Variants in DPP6 observed in about 807,000 individuals in gnomAD.
DPP6 encodes the protein A-type potassium channel modulatory protein DPP6.
In DPP6, 69 loss-of-function variants were observed where a neutral mutation model predicts 122.6. That is an observed-to-expected ratio of 0.56 (90% CI 0.46 to 0.69). The LOEUF is 0.69. Among genes scored for constraint, DPP6 ranks in the 30% least tolerant of loss-of-function variants. The pLI is 0.00. For synonymous variants in DPP6, 418 were observed against 433.1 expected (o/e 0.97, Z 0.43); for missense variants, 928 against 1,116.9 (o/e 0.83, Z 2.41).
At position 154,893,910 on chromosome 7, in the gene DPP6, C is replaced by G. The variant is rs1414798535; in HGVS notation, c.*1430C>G. On this transcript the variant is annotated 3_prime_UTR_variant, in exon 26 of 26. Coordinates refer to ENST00000377770, the MANE Select transcript of DPP6 (RefSeq NM_130797.4). ...ATGTCAGGACTGACTTCGCCAGCTC[C>G]CAGCCCTGCGGGGGTGTCCTTGGCA... 6.6e-6 allele frequency: 1 copy of G among 152,182 alleles called. No individual in the cohort carries two copies. The highest frequency in any genetic ancestry group is 2.4e-5 in the African/African-American group (1 of 41,432). 9.4% of individuals were successfully genotyped at this position (152,182 alleles called of 1,614,324 possible).
At position 154,727,788 on chromosome 7, in the gene DPP6, A is replaced by G. The variant is rs1842138466; in HGVS notation, c.784A>G (p.Ile262Val). ...QQLIFIFENN[I>V]YYCAHVGKQA... ...TTAGATATTTATTTTTGAAAACAAT[A>G]TCTACTACTGTGCACATGTCGGGAA... Residue 262 changes from isoleucine (I) to valine (V), a missense_variant, in exon 8 of 26, where the codon ATC becomes GTC. Ile to Val is a conservative substitution (Grantham distance 29, BLOSUM62 3). Coordinates refer to ENST00000377770, the MANE Select transcript of DPP6 (RefSeq NM_130797.4). The G allele has an allele frequency of 6.2e-7, 1 of 1,613,484 alleles. No individual in the cohort carries two copies. Among genetic ancestry groups the G allele is most frequent in the Non-Finnish European group, 8.5e-7 (1 of 1,179,704 alleles).
At chr7:154,373,270 G>A (rs1244944828) in intron 1 of DPP6, among the ~76,000 whole-genome samples, 1 of 152,108 alleles carries the variant, frequency 6.6e-6, no homozygotes, top group East Asian at 1.9e-4. Flanking sequence ...TCATTTTTCT[G>A]TAAGGGCCAG....
At chr7:154,880,139 C>T (rs1234770200) in intron 20 of DPP6, among the ~76,000 whole-genome samples, 1 of 152,220 alleles carries the variant, frequency 6.6e-6, no homozygotes, top group Non-Finnish European at 1.5e-5. Flanking sequence ...TAACAAGCAA[C>T]AAGCCCACAG....
At chr7:154,626,240 A>C (rs1231440895) in intron 5 of DPP6, among the ~76,000 whole-genome samples, 1 of 152,214 alleles carries the variant, frequency 6.6e-6, no homozygotes, top group East Asian at 1.9e-4. Context: ...TGGAATTGAA[A>C]TGTCCAAGTG....
intron 1 of DPP6, among the ~76,000 whole-genome samples, chr7:154,059,797 G>A (rs1332361365): frequency 6.6e-6 from 1 of 151,318 alleles, no homozygotes. Context: ...AAACTGTGGG[G>A]CCCTGGCTGA....
intron 1 of DPP6, among the ~76,000 whole-genome samples, chr7:154,031,096 TACTG>T (rs1799205081): frequency 6.6e-6 from 1 of 152,092 alleles, no homozygotes; most frequent in Admixed American, 6.5e-5. Context: ...TATTATCTCT[TACTG>T]ACCATTATCC....
At chr7:154,706,297 T>C (rs1240281991) in intron 7 of DPP6, among the ~76,000 whole-genome samples, 2 of 152,182 alleles carry the variant, frequency 1.3e-5, no homozygotes, top group African/African-American at 4.8e-5. Flanking sequence ...CTCCCTCTCC[T>C]GCGATGCTCT....
At chr7:154,163,898 T>A (rs867408766) in intron 1 of DPP6, among the ~76,000 whole-genome samples, 77 of 152,208 alleles carry the variant, frequency 5.1e-4, no homozygotes, top group African/African-American at 1.7e-3. Flanking sequence ...CTGCCAGCTG[T>A]CCTCAGAGAC....
chr7:154,317,639 G>A (rs1490295896), intron 1 of DPP6, among the ~76,000 whole-genome samples: 8 of 152,180 alleles, frequency 5.3e-5, no homozygotes, highest in African/African-American at 1.9e-4. Flanking sequence ...AAATCTAATG[G>A]TGATACTTGG....
intron 1 of DPP6, among the ~76,000 whole-genome samples, chr7:154,032,866 C>CACA (rs1799320246): frequency 6.8e-6 from 1 of 147,940 alleles, no homozygotes; most frequent in African/African-American, 2.6e-5. Context: ...CCCATCCCCC[C>CACA]CTACCCCCTT....
At chr7:153,819,074 TTTC>T in the DPP6 span, among the ~76,000 whole-genome samples, 1 of 73,164 alleles carries the variant, frequency 1.4e-5, no homozygotes, top group Non-Finnish European at 2.7e-5. Flanking sequence ...CCCCTTTTCT[TTTC>T]TTTTTTTTTT....
intron 4 of DPP6, among the ~76,000 whole-genome samples, chr7:154,558,126 A>T (rs949758968): frequency 1.3e-4 from 20 of 151,566 alleles, no homozygotes; most frequent in African/African-American, 4.6e-4. Flanking sequence ...AGGCCCCAGT[A>T]TATGATGTTC....
chr7:153,803,814 T>C, the DPP6 span, among the ~76,000 whole-genome samples: 2 of 151,562 alleles, frequency 1.3e-5, no homozygotes, highest in Non-Finnish European at 2.9e-5. Context: ...TATGTATATA[T>C]AGAAACAGAT....
intron 21 of DPP6, chr7:154,884,348 A>T (rs573262409): frequency 1.4e-5 from 2 of 141,956 alleles, no homozygotes; most frequent in African/African-American, 5.2e-5. Flanking sequence ...ACGCCTACTC[A>T]CACACACATG....
At chr7:154,748,182 G>T (rs1007738239) in intron 8 of DPP6, among the ~76,000 whole-genome samples, 4 of 152,164 alleles carry the variant, frequency 2.6e-5, no homozygotes, top group African/African-American at 9.7e-5. Context: ...AAGGGTGATG[G>T]GCATCCTCTC....
At chr7:154,311,737 A>G in intron 1 of DPP6, among the ~76,000 whole-genome samples, 1 of 151,838 alleles carries the variant, frequency 6.6e-6, no homozygotes, top group East Asian at 1.9e-4. Flanking sequence ...ACCTTTCAGG[A>G]CTCTTTACTT....
At chr7:154,265,931 A>T (rs1342125151) in intron 1 of DPP6, among the ~76,000 whole-genome samples, 1 of 152,210 alleles carries the variant, frequency 6.6e-6, no homozygotes, top group African/African-American at 2.4e-5. Context: ...TAAAAATGCA[A>T]CATGTACAAC....
the DPP6 span, among the ~76,000 whole-genome samples, chr7:153,776,321 G>A: frequency 1.3e-5 from 2 of 152,242 alleles, no homozygotes; most frequent in East Asian, 3.9e-4. Flanking sequence ...AATCATGGGG[G>A]CGGTCACTTC....
chr7:154,657,089 G>A (rs1586824041), intron 6 of DPP6, among the ~76,000 whole-genome samples: 1 of 43,298 alleles, frequency 2.3e-5, no homozygotes, highest in South Asian at 1.5e-3. Context: ...AGGTGCTCAT[G>A]GGTGGGTGGA....
Sources: allele counts gnomAD v4.1 joint callset (sites outside exome capture counted in the v4.1 genomes callset), GRCh38; gene constraint gnomAD v4.1.1; transcripts MANE v1.5; gene names NCBI Gene and HGNC (gene_info 2026-07-23, HGNC 2026-07-21).